The following STOX2 variants were observed in gnomAD, a reference collection of about 807,000 sequenced individuals.
STOX2 encodes the protein storkhead box 2, also known as storkhead-box protein 2.
In STOX2, 28 loss-of-function variants were observed where a neutral mutation model predicts 60.9. The observed-to-expected ratio is 0.46, with a 90% CI of 0.34 to 0.63. The LOEUF (loss-of-function observed/expected upper bound fraction) is 0.63, where lower values mean the gene tolerates loss of function less well. STOX2 is among the 30% of genes least tolerant of loss of function. The pLI is 0.01. For missense variants in STOX2, 1,024 were observed against 1,187.7 expected, an observed-to-expected ratio of 0.86 and a Z score of 2.03; for synonymous variants, 472 against 463.9, an observed-to-expected ratio of 1.02 and a Z score of -0.22.
At chr4:183,802,696 C>T (rs978522470) in intron 1 of STOX2, among the ~76,000 whole-genome samples, 3 of 152,094 alleles carry the variant, frequency 2.0e-5, no homozygotes, top group Admixed American at 6.6e-5. Context: ...AGCTCCGCCT[C>T]CCGGGTTCAC....
At chr4:183,925,770 G>A (rs1163819792) in intron 1 of STOX2, among the ~76,000 whole-genome samples, 1 of 152,174 alleles carries the variant, frequency 6.6e-6, no homozygotes, top group Non-Finnish European at 1.5e-5. Context: ...TTAATGGAAT[G>A]CAGTCTTATT....
intron 1 of STOX2, among the ~76,000 whole-genome samples, chr4:183,868,986 TTC>T (rs1740632242): frequency 2.0e-5 from 3 of 152,246 alleles, no homozygotes; most frequent in Non-Finnish European, 4.4e-5. Flanking sequence ...CCCCAGATTC[TTC>T]TGACTTTGAT....
chr4:183,983,099 C>G (rs926915715), intron 1 of STOX2, among the ~76,000 whole-genome samples: 8 of 152,168 alleles, frequency 5.3e-5, no homozygotes, highest in African/African-American at 1.4e-4. Context: ...TCCAAAACAT[C>G]TTAGACTGTC....
chr4:183,859,400 G>A (rs1740378186), intron 1 of STOX2, among the ~76,000 whole-genome samples: 1 of 152,256 alleles, frequency 6.6e-6, no homozygotes. Flanking sequence ...TGACATTGGA[G>A]CTGGTCTTGC....
At chr4:183,809,575 T>A (rs1012415751) in intron 1 of STOX2, among the ~76,000 whole-genome samples, 2 of 152,176 alleles carry the variant, frequency 1.3e-5, no homozygotes. Flanking sequence ...ATTTTTCTAC[T>A]TTTAGTAGAG....
At chr4:183,798,235 C>G (rs1738674522) in intron 1 of STOX2, among the ~76,000 whole-genome samples, 1 of 151,396 alleles carries the variant, frequency 6.6e-6, no homozygotes, top group Non-Finnish European at 1.5e-5. Flanking sequence ...GATTGGGGAA[C>G]TTCCTGGCAC....
chr4:183,881,133 G>T (rs1031330677), intron 1 of STOX2, among the ~76,000 whole-genome samples: 1 of 152,162 alleles, frequency 6.6e-6, no homozygotes, highest in African/African-American at 2.4e-5. Flanking sequence ...TTACTCGCAA[G>T]CTCAGAGATT....
intron 1 of STOX2, among the ~76,000 whole-genome samples, chr4:183,967,081 G>A (rs1743594730): frequency 6.6e-6 from 1 of 152,114 alleles, no homozygotes; most frequent in Non-Finnish European, 1.5e-5. Context: ...AAGTGAGAGG[G>A]GCTGGGCACG....
At chr4:183,924,015 G>A (rs72695379) in intron 1 of STOX2, among the ~76,000 whole-genome samples, 2 of 152,306 alleles carry the variant, frequency 1.3e-5, no homozygotes, top group Non-Finnish European at 2.9e-5. Flanking sequence ...TCATTCCAAA[G>A]TATTTGTAGC....
intron 1 of STOX2, among the ~76,000 whole-genome samples, chr4:183,814,142 C>T (rs773391211): frequency 8.6e-5 from 13 of 151,826 alleles, no homozygotes; most frequent in African/African-American, 1.7e-4. Flanking sequence ...CTAAATGCCA[C>T]GAATGGAAAA....
At chr4:184,016,260 CTG>C (rs1283289044) in intron 3 of STOX2, 1 of 152,160 alleles carries the variant, frequency 6.6e-6, no homozygotes, top group African/African-American at 2.4e-5. Context: ...ACTCGGGAGA[CTG>C]AGGTAGGAGG....
At chr4:183,946,627 G>GTT (rs66484161) in intron 1 of STOX2, among the ~76,000 whole-genome samples, 160 of 131,380 alleles carry the variant, frequency 1.2e-3, no homozygotes, top group Middle Eastern at 3.7e-3. Flanking sequence ...CATAGTTGTG[G>GTT]TTTTTTTTTT....
intron 1 of STOX2, among the ~76,000 whole-genome samples, chr4:183,933,148 A>G (rs1260524680): frequency 6.6e-6 from 1 of 152,188 alleles, no homozygotes; most frequent in Non-Finnish European, 1.5e-5. Context: ...ATTTCTCTTT[A>G]AGCTCCTGGA....
At chr4:183,971,966 G>A (rs955294113) in intron 1 of STOX2, among the ~76,000 whole-genome samples, 8 of 152,200 alleles carry the variant, frequency 5.3e-5, no homozygotes, top group Non-Finnish European at 4.4e-5. Context: ...GAGGTAGCCC[G>A]AAATCCAGTA....
At chr4:183,816,619 T>C (rs778232089) in intron 1 of STOX2, among the ~76,000 whole-genome samples, 19 of 152,088 alleles carry the variant, frequency 1.2e-4, no homozygotes, top group Non-Finnish European at 2.1e-4. Flanking sequence ...GTGTAACAAA[T>C]CTGCACATGC....
intron 1 of STOX2, among the ~76,000 whole-genome samples, chr4:183,958,444 T>C (rs888328445): frequency 2.6e-5 from 4 of 152,208 alleles, no homozygotes; most frequent in Non-Finnish European, 5.9e-5. Context: ...CCCTCTGTGG[T>C]TGGCTTTTCC....
At position 184,009,778 on chromosome 4, in the gene STOX2, A is replaced by G; in HGVS notation, c.940A>G (p.Ile314Val). 1 of 1,613,252 alleles carries G rather than the reference A, an allele frequency of 6.2e-7. No individual in the cohort carries two copies. The highest frequency in any genetic ancestry group is 8.5e-7 in the Non-Finnish European group (1 of 1,179,650). Residue 314 changes from isoleucine (I) to valine (V), a missense_variant, in exon 3 of 4, where the codon ATC (isoleucine) becomes GTC (valine). By Grantham distance (29) the Ile-to-Val change is conservative. Transcript: ENST00000308497. The surrounding 1 kb of genome is among the most constrained non-coding windows in gnomAD (Gnocchi z 4.0). The part of the protein sequence containing the change: ...ATIPREVEME[I>V]IRRINPDLTV... Reference sequence around the variant, plus strand: ...GATCCCTCGGGAAGTAGAGATGGAAATCATTAGGCGCATTAACCCAGACCT... The same window carrying G: ...GATCCCTCGGGAAGTAGAGATGGAAGTCATTAGGCGCATTAACCCAGACCT...
At chr4:183,827,457 A>C (rs887165420) in intron 1 of STOX2, among the ~76,000 whole-genome samples, 3 of 152,042 alleles carry the variant, frequency 2.0e-5, no homozygotes, top group African/African-American at 7.3e-5. Context: ...ATACCACTGC[A>C]CTCCAGGCTG....
intron 3 of STOX2, chr4:184,015,803 T>C (rs1734345402): frequency 6.6e-6 from 1 of 152,240 alleles, no homozygotes; most frequent in Non-Finnish European, 1.5e-5. Flanking sequence ...CTCTGCCTCA[T>C]GCAGTGGATG....
Sources: gnomAD v4.1 joint callset for allele counts (sites outside exome capture counted in the v4.1 genomes callset) on GRCh38, gnomAD v4.1.1 for gene constraint, Gnocchi (gnomAD v3.1) non-coding constraint, MANE v1.5 for transcripts, NCBI Gene and HGNC (gene_info 2026-07-23, HGNC 2026-07-21) for gene names.